Variants in LRRD1 observed in about 807,000 individuals in gnomAD.
LRRD1 encodes leucine-rich repeat and death domain-containing protein 1.
In LRRD1, 49 loss-of-function variants were observed where a neutral mutation model predicts 69.5. That is an observed-to-expected ratio of 0.70 (90% CI 0.56 to 0.89). The LOEUF is 0.89. Ranked by LOEUF, LRRD1 falls within the 40% of genes least tolerant of loss-of-function variation. The pLI is 0.00. For synonymous variants in LRRD1, 303 were observed against 338.9 expected (o/e 0.89, Z 1.16); for missense variants, 853 against 956.0 (o/e 0.89, Z 1.42).
At chr7:92,147,067 CTT>C (rs371802875) in intron 4 of LRRD1, among the ~76,000 whole-genome samples, 4 of 143,872 alleles carry the variant, frequency 2.8e-5, no homozygotes, top group Admixed American at 7.0e-5. Context: ...TTATAAGCAA[CTT>C]TTTTTTTTTT....
Position 92,164,661 on chromosome 7 carries a change from C to A in LRRD1, c.542G>T (p.Gly181Val), listed in dbSNP as rs1224382845. 1 of 1,551,542 alleles carries A rather than the reference C, an allele frequency of 6.4e-7. No homozygotes were observed. Among genetic ancestry groups the A allele is most frequent in the South Asian group, 1.2e-5 (1 of 84,032 alleles). ...LDKNQIKTFQ[G>V]ADSGDLLGLE... ...TCCTAACAGATCACCTGAGTCTGCC[C>A]CTTGAAATGTTTTGATTTGATTCTT... Residue 181 changes from glycine (G) to valine (V), a missense_variant, in exon 2 of 6, where the codon GGG becomes GTG. Physicochemically the swap from Gly to Val is moderately radical, Grantham distance 109. This residue lies in a region of LRRD1 where 739 missense variants were observed against 808.0 expected (regional missense o/e 0.91). Coordinates refer to ENST00000458448, the MANE Select transcript of LRRD1 (RefSeq NM_001161528.2).
chr7:92,143,746 C>A (rs1207113563), downstream of LRRD1, among the ~76,000 whole-genome samples: 5 of 152,234 alleles, frequency 3.3e-5, no homozygotes, highest in Non-Finnish European at 7.3e-5. Context: ...CGGTTCCGGC[C>A]TTGGCCAGCC....
At chr7:92,169,268 G>A (rs1788995363) in intron 1 of LRRD1, among the ~76,000 whole-genome samples, 2 of 151,828 alleles carry the variant, frequency 1.3e-5, no homozygotes, top group African/African-American at 4.8e-5. Context: ...CAAAAAAACA[G>A]TGATCTCAAA....
At chr7:92,167,464 ACTTT>A (rs1178059597) in intron 1 of LRRD1, among the ~76,000 whole-genome samples, 2 of 152,172 alleles carry the variant, frequency 1.3e-5, no homozygotes, top group African/African-American at 4.8e-5. Flanking sequence ...GTAGAAAGGA[ACTTT>A]CTTTACTATT....
intron 4 of LRRD1, among the ~76,000 whole-genome samples, chr7:92,150,271 C>A (rs1293823399): frequency 6.6e-6 from 1 of 152,006 alleles, no homozygotes; most frequent in Non-Finnish European, 1.5e-5. Context: ...CAAGACTAGC[C>A]TGGGCAACAC....
At position 92,164,346 on chromosome 7, in the gene LRRD1, T is replaced by G; in HGVS notation, c.857A>C (p.Asn286Thr). The G allele has an allele frequency of 6.5e-7, 1 of 1,550,320 alleles. No individual in the cohort carries two copies. The highest frequency in any genetic ancestry group is 8.7e-7 in the Non-Finnish European group (1 of 1,146,508). ...TGTTGTTAACTGATTATATTCCAAA[T>G]TGAGAACCCTCAAGGTTTTTAAACT... is the stretch of plus-strand genomic sequence containing the variant. ...LPSLKTLRVL[N>T]LEYNQLTTFP... The change falls in exon 2 of 6, where the codon AAT becomes ACT. Residue 286 changes from asparagine to threonine, a missense_variant. Physicochemically the swap from Asn to Thr is moderately conservative, Grantham distance 65 (BLOSUM62 0). This residue lies in a region of LRRD1 where 739 missense variants were observed against 808.0 expected (regional missense o/e 0.91). Coordinates refer to ENST00000458448, the MANE Select transcript of LRRD1 (RefSeq NM_001161528.2).
At chr7:92,146,246 A>G in intron 4 of LRRD1, 46 bp from the exon 5 acceptor site, 1 of 950,540 alleles carries the variant, frequency 1.1e-6, no homozygotes, top group East Asian at 2.7e-5. Flanking sequence ...GAAAAAGATA[A>G]TCTATTTTGA....
intron 1 of LRRD1, among the ~76,000 whole-genome samples, chr7:92,170,907 TAC>T (rs1377495524): frequency 2.0e-5 from 3 of 152,184 alleles, no homozygotes; most frequent in Middle Eastern, 3.2e-3. Flanking sequence ...CCTTGGAAAT[TAC>T]ACATACACAT....
intron 2 of LRRD1, among the ~76,000 whole-genome samples, chr7:92,161,995 G>A (rs1483704473): frequency 6.6e-6 from 1 of 152,114 alleles, no homozygotes. Flanking sequence ...TAACATTGGA[G>A]ATACCAACAG....
intron 2 of LRRD1, 34 bp downstream of exon 2, chr7:92,163,252 C>A: frequency 7.6e-7 from 1 of 1,317,152 alleles, no homozygotes; most frequent in Non-Finnish European, 1.0e-6. Flanking sequence ...CCAGTCTCTC[C>A]TTCCCCACAA....
intron 4 of LRRD1, among the ~76,000 whole-genome samples, chr7:92,146,435 T>A (rs1392937948): frequency 2.0e-5 from 3 of 150,910 alleles, no homozygotes; most frequent in Non-Finnish European, 2.9e-5. Flanking sequence ...CTGGCCAACA[T>A]GCAAAACCCC....
Position 92,167,801 on chromosome 7 carries a change from C to T in LRRD1, c.-74-2525G>A, listed in dbSNP as rs561810280. On this transcript the variant is annotated intron_variant, in intron 1 of 5. Coordinates refer to ENST00000458448, the MANE Select transcript of LRRD1 (RefSeq NM_001161528.2). ...CTGAGGCAGGAGAACGGCATGAACC[C>T]GGGAGGCGGAGCTTGCAGTGAACCG... Among the ~76,000 whole-genome samples the T allele has an allele frequency of 3.8e-3, 511 of 135,954 alleles. 3 individuals are homozygous for T. Among genetic ancestry groups the T allele is most frequent in the African/African-American group, 0.013 (486 of 36,050 alleles). The allele number at this position is 135,954 out of a possible 152,430, so 89.2% of individuals were successfully genotyped here. A position where few individuals can be genotyped will look rare whatever the true frequency, so the allele number is the denominator to read the frequency against.
In LRRD1 at chr7:92,163,494, G is replaced by T; in HGVS notation, c.1709C>A (p.Thr570Asn). 1 of 1,526,962 alleles carries T rather than the reference G, an allele frequency of 6.5e-7. No homozygotes were observed. The highest frequency in any genetic ancestry group is 8.8e-7 in the Non-Finnish European group (1 of 1,138,002). The allele number at this position is 1,526,962 out of a possible 1,614,324, so 94.6% of individuals were successfully genotyped here. ...VLILCCNKFE[T>N]FPRELCTLEN... ...TAAAGTACACAATTCTCTAGGGAAA[G>T]TTTCAAATTTATTACAGCATAAAAT... The change falls in exon 2 of 6, where the codon ACT becomes AAT. Residue 570 changes from threonine to asparagine, a missense_variant. By Grantham distance (65) the Thr-to-Asn change is moderately conservative (BLOSUM62 0). This residue lies in a region of LRRD1 where 739 missense variants were observed against 808.0 expected (regional missense o/e 0.91). Transcript: ENST00000458448.
chr7:92,168,381 G>C (rs1788969968), intron 1 of LRRD1, among the ~76,000 whole-genome samples: 1 of 152,146 alleles, frequency 6.6e-6, no homozygotes, highest in African/African-American at 2.4e-5. Flanking sequence ...CAGCCAAAAA[G>C]AGGAGGCAAA....
At chr7:92,167,876 CAAAAAAAAA>C (rs542619786) in intron 1 of LRRD1, among the ~76,000 whole-genome samples, 229 of 46,190 alleles carry the variant, frequency 5.0e-3, no homozygotes, top group Admixed American at 8.6e-3. Flanking sequence ...GACTCTGTCT[CAAAAAAAAA>C]AAAAAAAAAA....
chr7:92,172,054 G>GAGAC (rs1789068442), intron 1 of LRRD1, among the ~76,000 whole-genome samples: 1 of 152,182 alleles, frequency 6.6e-6, no homozygotes, highest in South Asian at 2.1e-4. Context: ...AGCCTGGGAG[G>GAGAC]TCTCAGGTAA....
intron 1 of LRRD1, among the ~76,000 whole-genome samples, chr7:92,174,510 T>TATATATATATA (rs1491100533): frequency 1.7e-3 from 21 of 12,586 alleles, no homozygotes; most frequent in South Asian, 3.8e-3. Flanking sequence ...TATATATATA[T>TATATATATATA]TTTTTTTTTT....
At chr7:92,151,463 A>T (rs1354925568) in intron 3 of LRRD1, among the ~76,000 whole-genome samples, 1 of 152,222 alleles carries the variant, frequency 6.6e-6, no homozygotes, top group Admixed American at 6.5e-5. Context: ...ATCACTAATG[A>T]TGTTAAATTT....
intron 1 of LRRD1, among the ~76,000 whole-genome samples, chr7:92,172,858 T>C (rs1789087120): frequency 6.6e-6 from 1 of 152,146 alleles, no homozygotes; most frequent in Non-Finnish European, 1.5e-5. Context: ...ATAATTTATA[T>C]GGAACCACAG....
Sources: gnomAD v4.1 joint callset for allele counts (sites outside exome capture counted in the v4.1 genomes callset) on GRCh38, gnomAD v4.1.1 for gene constraint, gnomAD v4.1.1 regional missense constraint, MANE v1.5 for transcripts, NCBI Gene and HGNC (gene_info 2026-07-23, HGNC 2026-07-21) for gene names.